OTUD7B: variants seen among roughly 807,000 people sequenced by gnomAD.
OTUD7B encodes the protein OTU deubiquitinase 7B, also known as OTU domain-containing protein 7B.
Under a neutral mutation model 82.2 loss-of-function variants are expected in OTUD7B, and 34 were observed. The observed-to-expected ratio is 0.41, with a 90% CI of 0.31 to 0.55. The LOEUF (loss-of-function observed/expected upper bound fraction) is 0.55. OTUD7B is among the 20% of genes least tolerant of loss of function. The pLI is 0.20. For missense variants in OTUD7B, 944 were observed against 1,062.1 expected, an observed-to-expected ratio of 0.89 and a Z score of 1.55; for synonymous variants, 398 against 402.7, an observed-to-expected ratio of 0.99 and a Z score of 0.14.
chr1:149,950,790 TTTTTTTTTC>T (rs1648140200), intron 7 of OTUD7B, among the ~76,000 whole-genome samples: 1 of 5,178 alleles, frequency 1.9e-4, no homozygotes, highest in Non-Finnish European at 7.4e-4. Flanking sequence ...GTGTTTTTTG[TTTTTTTTTC>T]TTTTTTTTTT....
chr1:149,988,714 C>A (rs587702422), intron 1 of OTUD7B, among the ~76,000 whole-genome samples: 111 of 152,192 alleles, frequency 7.3e-4, no homozygotes, highest in Non-Finnish European at 1.4e-3. Flanking sequence ...TAGATCCAGA[C>A]CAGCATGTCT....
chr1:149,975,795 G>A (rs73010195), intron 2 of OTUD7B, among the ~76,000 whole-genome samples: 3,207 of 152,100 alleles, frequency 0.021, 94 homozygotes, highest in African/African-American at 0.07. Context: ...AGGCTGAGGT[G>A]GGTAGATCAC....
At chr1:149,969,264 A>T (rs1553777234) in intron 3 of OTUD7B, among the ~76,000 whole-genome samples, 1 of 152,050 alleles carries the variant, frequency 6.6e-6, no homozygotes, top group Non-Finnish European at 1.5e-5. Context: ...TTTAGGCTGT[A>T]GTGAGCTGTG....
chr1:150,014,288 T>C (rs1653205517), upstream of OTUD7B, among the ~76,000 whole-genome samples: 1 of 148,776 alleles, frequency 6.7e-6, no homozygotes, highest in Non-Finnish European at 1.5e-5. Flanking sequence ...TGGTCCCAGC[T>C]ACTAGGGAGG....
At chr1:150,011,111 C>G (rs1202546418), upstream of OTUD7B, among the ~76,000 whole-genome samples, 2 of 152,202 alleles carry the variant, frequency 1.3e-5, no homozygotes, top group Non-Finnish European at 2.9e-5. Context: ...TCTACACAAT[C>G]ATTCTGGAGT....
chr1:149,950,111 C>T lies in OTUD7B; in HGVS notation c.956G>A (p.Arg319Lys), dbSNP rs782331840. ...PIVVVADTMLRDSGGEAFAPI... is the reference protein window; with the variant it reads ...PIVVVADTMLKDSGGEAFAPI... ...TGACTCACCTTCCCCTCCGGAGTCC[C>T]TCAGCATGGTGTCTGCCACGACGAC... The change falls in exon 8 of 12, where the codon AGG becomes AAG. Residue 319 changes from arginine (R) to lysine (K), a missense_variant. Arg to Lys is a conservative substitution (Grantham distance 26, BLOSUM62 2). Around this residue, in one of 3 missense-constraint regions of OTUD7B, gnomAD observed 530 missense variants for 625.6 expected, o/e 0.85. Transcript: ENST00000581312. 21 of 1,613,950 alleles carry T rather than the reference C, an allele frequency of 1.3e-5. No homozygotes were observed. The South Asian group carries it at 2.3e-4, about 18-fold the overall frequency.
intron 1 of OTUD7B, among the ~76,000 whole-genome samples, chr1:150,001,130 A>G (rs1332269223): frequency 6.6e-6 from 1 of 152,214 alleles, no homozygotes. Flanking sequence ...AACTTCAGCT[A>G]TATCTATAAC....
intron 1 of OTUD7B, among the ~76,000 whole-genome samples, chr1:149,981,973 C>T (rs1156484197): frequency 2.0e-5 from 3 of 152,018 alleles, no homozygotes; most frequent in Non-Finnish European, 4.4e-5. Flanking sequence ...CACGGTGAAA[C>T]CCTGTCTCTA....
At chr1:150,013,941 T>TAA (rs1653181788), upstream of OTUD7B, among the ~76,000 whole-genome samples, 2 of 121,686 alleles carry the variant, frequency 1.6e-5, no homozygotes, top group South Asian at 2.8e-4. Context: ...AAAAATAATA[T>TAA]ATATATACAC....
At chr1:150,027,335 C>T in the OTUD7B span, among the ~76,000 whole-genome samples, 5 of 152,250 alleles carry the variant, frequency 3.3e-5, no homozygotes, top group Admixed American at 2.0e-4. Flanking sequence ...CCTGTAATCC[C>T]AGCACTTTGG....
At position 149,964,276 on chromosome 1, in the gene OTUD7B, C is replaced by T. The variant is rs1195752655; in HGVS notation, c.678G>A (p.Glu226=). Residue 226 remains glutamate (E), a synonymous_variant, in exon 6 of 12, where the codon GAG becomes GAA. Coordinates refer to ENST00000581312, the MANE Select transcript of OTUD7B (RefSeq NM_020205.4). ...ALYALMEKGV[E]KEALKRRWRW... ...TCCAGCGCCTTTTCAACGCTTCCTT[C>T]TCAACTCCCTTCTCCATCAGTGCAT... is the stretch of plus-strand genomic sequence containing the variant. 30 of 1,614,008 alleles carry T rather than the reference C, an allele frequency of 1.9e-5. No homozygotes were observed. The highest frequency in any genetic ancestry group is 2.1e-5 in the Non-Finnish European group (25 of 1,180,038).
At chr1:150,045,369 C>T in the OTUD7B span, among the ~76,000 whole-genome samples, 2 of 152,050 alleles carry the variant, frequency 1.3e-5, no homozygotes, top group Non-Finnish European at 2.9e-5. Context: ...GCTGAGATTA[C>T]AGGTGTGAGC....
chr1:149,946,547 G>A (rs1322778304), intron 11 of OTUD7B, among the ~76,000 whole-genome samples: 1 of 151,700 alleles, frequency 6.6e-6, no homozygotes, highest in East Asian at 1.9e-4. Flanking sequence ...TTCGAGACTA[G>A]CCTGGCCAAC....
chr1:150,025,841 C>A, the OTUD7B span, among the ~76,000 whole-genome samples: 1 of 152,182 alleles, frequency 6.6e-6, no homozygotes, highest in Non-Finnish European at 1.5e-5. Flanking sequence ...TAAGCCCCCA[C>A]ATGAATTACA....
chr1:149,996,276 G>A (rs1651917201), intron 1 of OTUD7B, among the ~76,000 whole-genome samples: 2 of 152,208 alleles, frequency 1.3e-5, no homozygotes, highest in African/African-American at 4.8e-5. Context: ...GAGGGAGAAG[G>A]GAGAGGCAAG....
chr1:149,960,009 T>C (rs1411013617), intron 6 of OTUD7B, among the ~76,000 whole-genome samples: 1 of 152,166 alleles, frequency 6.6e-6, no homozygotes, highest in African/African-American at 2.4e-5. Context: ...ATCCATTCTT[T>C]TTGACCTACT....
the OTUD7B span, chr1:150,048,546 C>T: frequency 6.6e-6 from 1 of 151,872 alleles, no homozygotes; most frequent in Non-Finnish European, 1.5e-5. Context: ...TAGTGAGACC[C>T]GATCTCTACA....
Position 149,971,220 on chromosome 1 carries a change from A to T in OTUD7B, c.117T>A (p.Ser39Arg). 1 of 1,612,250 alleles carries T rather than the reference A, an allele frequency of 6.2e-7. No homozygotes were observed. Among genetic ancestry groups the T allele is most frequent in the Non-Finnish European group, 8.5e-7 (1 of 1,178,552 alleles). The change falls in exon 3 of 12, where the codon AGT (serine) becomes AGA (arginine). Residue 39 changes from serine (S) to arginine (R), a missense_variant. By Grantham distance (110) the Ser-to-Arg change is moderately radical (BLOSUM62 -1). This residue lies in a region of OTUD7B where 530 missense variants were observed against 625.6 expected (regional missense o/e 0.85). Transcript: ENST00000581312. ...GKNWDVNAAL[S>R]DFEQLRQVHA... ...GGACTTGACGTAGCTGTTCAAAATCACTGAGGGCGGCATTCACATCCCAAT... is the reference window on the plus strand; with the variant it reads ...GGACTTGACGTAGCTGTTCAAAATCTCTGAGGGCGGCATTCACATCCCAAT...
Position 149,944,477 on chromosome 1 carries a change from T to C in OTUD7B, c.1912A>G (p.Arg638Gly), listed in dbSNP as rs1242642282. The C allele has an allele frequency of 1.2e-6, 2 of 1,614,002 alleles. No homozygotes were observed. Among genetic ancestry groups the C allele is most frequent in the Non-Finnish European group, 1.7e-6 (2 of 1,180,028 alleles). ...TTCTGCTTCTGTTCTGCCAGGAATC[T>C]CTCCTCAGCATCAGAAAGGTAGCGC... ...IQRYLSDAEE[R>G]FLAEQKQKEA... Residue 638 changes from arginine (R) to glycine (G), a missense_variant, in exon 12 of 12, where the codon AGA (arginine) becomes GGA (glycine). Around this residue, in one of 3 missense-constraint regions of OTUD7B, gnomAD observed 412 missense variants for 418.7 expected, o/e 0.98. Coordinates refer to ENST00000581312, the MANE Select transcript of OTUD7B (RefSeq NM_020205.4).
Sources: allele counts gnomAD v4.1 joint callset (sites outside exome capture counted in the v4.1 genomes callset), GRCh38; gene constraint gnomAD v4.1.1; regional missense constraint gnomAD v4.1.1; transcripts MANE v1.5; gene names NCBI Gene and HGNC (gene_info 2026-07-23, HGNC 2026-07-21).